The following ROBO1 variants were observed in gnomAD, a reference collection of about 807,000 sequenced individuals.
ROBO1 encodes roundabout homolog 1.
ROBO1 carries 149 observed loss-of-function variants against 195.9 expected under a neutral mutation model. The ratio of observed to expected loss-of-function variants is 0.76; its 90% CI spans 0.67 to 0.87. The LOEUF is 0.87. Ranked by LOEUF, ROBO1 falls within the 40% of genes least tolerant of loss-of-function variation. The probability of loss-of-function intolerance (pLI) is 0.00; values close to 1 mark genes in which losing one functional copy is unlikely to be tolerated. For synonymous variants in ROBO1, 816 were observed against 733.2 expected (o/e 1.11, Z -1.82); for missense variants, 1,933 against 2,068.3 (o/e 0.93, Z 1.27).
chr3:79,181,408 C>T (rs911278094), intron 2 of ROBO1, among the ~76,000 whole-genome samples: 11 of 152,114 alleles, frequency 7.2e-5, no homozygotes, highest in Admixed American at 5.9e-4. Flanking sequence ...CAGTGCATAC[C>T]CTAAACTTTG....
intron 1 of ROBO1, among the ~76,000 whole-genome samples, chr3:79,666,484 A>T (rs938633762): frequency 6.6e-6 from 1 of 151,912 alleles, no homozygotes; most frequent in Non-Finnish European, 1.5e-5. Context: ...TGTAGCTCCC[A>T]TAATTCCCAC....
intron 2 of ROBO1, among the ~76,000 whole-genome samples, chr3:79,466,868 G>A (rs1184703211): frequency 6.6e-6 from 1 of 152,172 alleles, no homozygotes; most frequent in Non-Finnish European, 1.5e-5. Context: ...TTCAGGAGCA[G>A]ACTATTTCAG....
intron 4 of ROBO1, among the ~76,000 whole-genome samples, chr3:78,813,606 G>GA (rs940546006): frequency 6.6e-6 from 1 of 151,678 alleles, no homozygotes; most frequent in Admixed American, 6.6e-5. Context: ...TCACATTACA[G>GA]AAAAAAAATA....
At chr3:79,270,114 T>C (rs575507506) in intron 2 of ROBO1, among the ~76,000 whole-genome samples, 1 of 151,354 alleles carries the variant, frequency 6.6e-6, no homozygotes, top group Non-Finnish European at 1.5e-5. Flanking sequence ...GACTAGGACA[T>C]GAAAAGAAAT....
chr3:79,693,238 T>C (rs1947345537), intron 1 of ROBO1, among the ~76,000 whole-genome samples: 1 of 151,890 alleles, frequency 6.6e-6, no homozygotes, highest in Non-Finnish European at 1.5e-5. Flanking sequence ...GAGCATCATC[T>C]TTTATAGCAT....
chr3:79,187,836 CTATT>C (rs2081468537), intron 2 of ROBO1, among the ~76,000 whole-genome samples: 2 of 152,060 alleles, frequency 1.3e-5, no homozygotes, highest in East Asian at 1.9e-4. Flanking sequence ...ATATTCAACT[CTATT>C]TAGTTTATGT....
chr3:79,031,468 G>T (rs1037868379), intron 3 of ROBO1, among the ~76,000 whole-genome samples: 1 of 152,136 alleles, frequency 6.6e-6, no homozygotes, highest in Non-Finnish European at 1.5e-5. Context: ...AAATGCTTAG[G>T]TGCATATGTA....
At chr3:78,599,326 C>A (rs1466091681) in intron 30 of ROBO1, among the ~76,000 whole-genome samples, 3 of 152,152 alleles carry the variant, frequency 2.0e-5, no homozygotes, top group Non-Finnish European at 4.4e-5. Context: ...TAAACTAAGA[C>A]CTGAAAAACA....
At chr3:79,416,499 T>C (rs1333096881) in intron 2 of ROBO1, among the ~76,000 whole-genome samples, 1 of 148,736 alleles carries the variant, frequency 6.7e-6, no homozygotes, top group Non-Finnish European at 1.5e-5. Context: ...CACACACCTC[T>C]AGGGAGGCTG....
At chr3:79,047,383 T>C (rs1456628503) in intron 3 of ROBO1, among the ~76,000 whole-genome samples, 1 of 151,918 alleles carries the variant, frequency 6.6e-6, no homozygotes, top group Non-Finnish European at 1.5e-5. Flanking sequence ...AAAAAAAAAG[T>C]GCCAAGACTT....
chr3:79,697,546 A>G (rs1424359345), intron 1 of ROBO1, among the ~76,000 whole-genome samples: 1 of 151,520 alleles, frequency 6.6e-6, no homozygotes, highest in Non-Finnish European at 1.5e-5. Flanking sequence ...AAACTGAAAT[A>G]TTTTAATGCA....
chr3:78,711,078 A>G (rs2081675035), intron 8 of ROBO1, among the ~76,000 whole-genome samples: 1 of 152,180 alleles, frequency 6.6e-6, no homozygotes, highest in African/African-American at 2.4e-5. Context: ...AGTATACAAC[A>G]TGACGTTATG....
intron 4 of ROBO1, among the ~76,000 whole-genome samples, chr3:78,786,769 A>G (rs1299653401): frequency 6.6e-6 from 1 of 152,120 alleles, no homozygotes; most frequent in East Asian, 1.9e-4. Context: ...AGGCCTCCCT[A>G]GCCATATGGA....
chr3:79,265,101 A>T (rs918527132), intron 2 of ROBO1, among the ~76,000 whole-genome samples: 5 of 151,892 alleles, frequency 3.3e-5, no homozygotes, highest in African/African-American at 1.2e-4. Context: ...ATCCAAAATC[A>T]CATTAGGTTA....
intron 2 of ROBO1, among the ~76,000 whole-genome samples, chr3:79,288,425 T>C (rs1440880368): frequency 6.6e-6 from 1 of 152,188 alleles, no homozygotes; most frequent in Non-Finnish European, 1.5e-5. Flanking sequence ...AAACAGAACA[T>C]TGCCACTCGA....
At chr3:79,119,061 C>A (rs2080066997) in intron 3 of ROBO1, among the ~76,000 whole-genome samples, 1 of 152,126 alleles carries the variant, frequency 6.6e-6, no homozygotes, top group Admixed American at 6.5e-5. Flanking sequence ...TATCAAATTA[C>A]TAACGAGAAA....
At chr3:78,777,759 A>G (rs1398893866) in intron 4 of ROBO1, among the ~76,000 whole-genome samples, 1 of 152,204 alleles carries the variant, frequency 6.6e-6, no homozygotes, top group East Asian at 1.9e-4. Context: ...ATATATAAAT[A>G]TACAATCATG....
rs189335624 is a variant in ROBO1 at position 79,290,380 on chromosome 3, T to C, written c.89-164841A>G. Among the ~76,000 whole-genome samples, 378 of 152,186 alleles carry C rather than the reference T, an allele frequency of 2.5e-3. 3 individuals are homozygous for C. The highest frequency in any genetic ancestry group is 8.9e-3 in the African/African-American group (368 of 41,532). ...TTTGCCTCGTTTATGCTTGTGGTCT[T>C]GTAAGGACACAGATGTTTCAAATCT... On this transcript the variant is annotated intron_variant, in intron 2 of 30. Transcript: ENST00000464233.
intron 1 of ROBO1, among the ~76,000 whole-genome samples, chr3:79,638,391 T>G (rs542332355): frequency 6.6e-6 from 1 of 152,182 alleles, no homozygotes; most frequent in Admixed American, 6.5e-5. Flanking sequence ...GGTCTGATTT[T>G]TTTATTTTTT....
Sources: allele counts gnomAD v4.1 joint callset (sites outside exome capture counted in the v4.1 genomes callset), GRCh38; gene constraint gnomAD v4.1.1; transcripts MANE v1.5; gene names NCBI Gene and HGNC (gene_info 2026-07-23, HGNC 2026-07-21).